The following C3orf70 variants were observed in gnomAD, a reference collection of about 807,000 sequenced individuals.
The protein encoded by C3orf70 is UPF0524 protein C3orf70.
In C3orf70, 15 loss-of-function variants were observed where a neutral mutation model predicts 20.7. That is an observed-to-expected ratio of 0.72 (90% CI 0.48 to 1.11). C3orf70 has a LOEUF of 1.11. Ranked by LOEUF, C3orf70 falls within the 50% of genes most tolerant of loss-of-function variation. The pLI is 0.00. For missense variants in C3orf70, 332 were observed against 317.6 expected (o/e 1.05, Z -0.34); for synonymous variants, 161 against 125.7 (o/e 1.28, Z -1.88).
chr3:185,111,284 T>A (rs900792943), intron 1 of C3orf70, among the ~76,000 whole-genome samples: 3 of 151,898 alleles, frequency 2.0e-5, no homozygotes, highest in African/African-American at 7.3e-5. Context: ...AAAGATACCA[T>A]CAAGAAAGTG....
In C3orf70 at chr3:185,080,771, GGC is replaced by G. The variant is rs1715319418; in HGVS notation, c.*2234_*2235del. 1 of 151,912 alleles carries G rather than the reference GGC, an allele frequency of 6.6e-6. No homozygotes were observed. Among genetic ancestry groups the G allele is most frequent in the Non-Finnish European group, 1.5e-5 (1 of 67,998 alleles). The allele number at this position is 151,912 out of a possible 1,614,324, so 9.4% of individuals were successfully genotyped here. A position where few individuals can be genotyped will look rare whatever the true frequency, so the allele number is the denominator to read the frequency against. ...CCCTGTGCCACCTGAGCCATGCCCT[GGC>G]AGGGGGAAGCTCCTCATGCTCACAC... On this transcript the variant is annotated 3_prime_UTR_variant, in exon 2 of 2. Coordinates refer to ENST00000335012, the MANE Select transcript of C3orf70 (RefSeq NM_001025266.3).
At chr3:185,128,818 T>C (rs951970563) in intron 1 of C3orf70, among the ~76,000 whole-genome samples, 12 of 152,194 alleles carry the variant, frequency 7.9e-5, no homozygotes, top group Non-Finnish European at 1.0e-4. Context: ...TGTCTTCGCA[T>C]AATTTGAAAA....
chr3:185,081,479 C>T lies in C3orf70; in HGVS notation c.*1528G>A, dbSNP rs1317600561. 1 of 152,076 alleles carries T rather than the reference C, an allele frequency of 6.6e-6. No homozygotes were observed. The allele number at this position is 152,076 out of a possible 1,614,324, so 9.4% of individuals were successfully genotyped here. A position where few individuals can be genotyped will look rare whatever the true frequency, so the allele number is the denominator to read the frequency against. On this transcript the variant is annotated 3_prime_UTR_variant, in exon 2 of 2. Coordinates refer to ENST00000335012, the MANE Select transcript of C3orf70 (RefSeq NM_001025266.3). ...ATGGTGCCAGAGCACAAGGGAATCT[C>T]AGAGCACAATGGCCTGAGAGTGCGC... is the stretch of plus-strand genomic sequence containing the variant.
At chr3:185,115,692 A>C (rs183022423) in intron 1 of C3orf70, among the ~76,000 whole-genome samples, 20 of 152,320 alleles carry the variant, frequency 1.3e-4, no homozygotes, top group Admixed American at 1.2e-3. Flanking sequence ...AGGCTGCTAT[A>C]ACAAAGCCCC....
intron 1 of C3orf70, among the ~76,000 whole-genome samples, chr3:185,147,523 C>G (rs966643227): frequency 1.3e-5 from 2 of 152,228 alleles, no homozygotes; most frequent in African/African-American, 4.8e-5. Flanking sequence ...AATTGCTCTA[C>G]AGTGCAATGA....
chr3:185,147,414 CT>C (rs1478784484), intron 1 of C3orf70, among the ~76,000 whole-genome samples: 32 of 152,308 alleles, frequency 2.1e-4, no homozygotes, highest in Admixed American at 1.9e-3. Flanking sequence ...CCGGATTTAA[CT>C]ACTGCAATTG....
intron 1 of C3orf70, among the ~76,000 whole-genome samples, chr3:185,098,318 A>T (rs1715752158): frequency 6.6e-6 from 1 of 152,242 alleles, no homozygotes; most frequent in Non-Finnish European, 1.5e-5. Context: ...ACTAATCCCC[A>T]ATTGGGGAAT....
At chr3:185,138,087 C>A (rs541905545) in intron 1 of C3orf70, among the ~76,000 whole-genome samples, 2 of 152,074 alleles carry the variant, frequency 1.3e-5, no homozygotes, top group East Asian at 3.9e-4. Context: ...ATGGAGACAA[C>A]AAAAGTATAG....
intron 1 of C3orf70, among the ~76,000 whole-genome samples, chr3:185,118,859 A>G (rs1716235237): frequency 6.6e-6 from 1 of 152,220 alleles, no homozygotes; most frequent in African/African-American, 2.4e-5. Context: ...ATATGATCTC[A>G]AGAACCACTC....
intron 1 of C3orf70, among the ~76,000 whole-genome samples, chr3:185,123,635 C>A (rs1716352613): frequency 6.6e-6 from 1 of 151,906 alleles, no homozygotes; most frequent in Non-Finnish European, 1.5e-5. Flanking sequence ...CCATGGTCCC[C>A]ATCTTTATGA....
At chr3:185,126,157 T>C (rs1716406104) in intron 1 of C3orf70, among the ~76,000 whole-genome samples, 1 of 152,218 alleles carries the variant, frequency 6.6e-6, no homozygotes, top group Non-Finnish European at 1.5e-5. Context: ...AACAATTCTA[T>C]AATGTTCAAC....
intron 1 of C3orf70, among the ~76,000 whole-genome samples, chr3:185,148,328 C>T (rs1186712836): frequency 6.6e-6 from 1 of 152,172 alleles, no homozygotes; most frequent in Non-Finnish European, 1.5e-5. Flanking sequence ...GATTCATGAC[C>T]TTCCTCCCAA....
intron 1 of C3orf70, among the ~76,000 whole-genome samples, chr3:185,125,667 A>G (rs1716395841): frequency 6.6e-6 from 1 of 152,234 alleles, no homozygotes; most frequent in African/African-American, 2.4e-5. Flanking sequence ...CTGCAAAAGA[A>G]AAGAATCAAC....
At chr3:185,117,454 A>AAGAGAGAGAGAGAGAG (rs3072374) in intron 1 of C3orf70, among the ~76,000 whole-genome samples, 4 of 142,020 alleles carry the variant, frequency 2.8e-5, no homozygotes, top group African/African-American at 1.1e-4. Context: ...CACACACAGA[A>AAGAGAGAGAGAGAGAG]AGAGAGAGAG....
intron 1 of C3orf70, among the ~76,000 whole-genome samples, chr3:185,149,996 A>G (rs1209698747): frequency 6.6e-6 from 1 of 152,196 alleles, no homozygotes; most frequent in African/African-American, 2.4e-5. Flanking sequence ...GAGTTTTACC[A>G]GATTAACCTA....
intron 1 of C3orf70, among the ~76,000 whole-genome samples, chr3:185,094,074 G>GTTTTTTTTTTTTTTTTTTTTTTTTTTT (rs71162282): frequency 2.5e-5 from 2 of 80,644 alleles, no homozygotes. Context: ...ATACCCTGGG[G>GTTTTTTTTTTTTTTTTTTTTTTTTTTT]TTTTTTTTTT....
chr3:185,078,623 G>A lies in C3orf70; in HGVS notation c.*4384C>T, dbSNP rs1050636071. Reference sequence around the variant, plus strand: ...CTCCTCAGTGGGAGAGGACAAAATCGTACTACTGAAAAGCCTAAAATATAA... The same window carrying A: ...CTCCTCAGTGGGAGAGGACAAAATCATACTACTGAAAAGCCTAAAATATAA... On this transcript the variant is annotated 3_prime_UTR_variant, in exon 2 of 2. Coordinates refer to ENST00000335012, the MANE Select transcript of C3orf70 (RefSeq NM_001025266.3). 1 of 152,258 alleles carries A rather than the reference G, an allele frequency of 6.6e-6. No individual in the cohort carries two copies. The highest frequency in any genetic ancestry group is 2.4e-5 in the African/African-American group (1 of 41,534). The allele number at this position is 152,258 out of a possible 1,614,324, so 9.4% of individuals were successfully genotyped here.
chr3:185,085,052 A>C (rs890152704), intron 1 of C3orf70, among the ~76,000 whole-genome samples: 1 of 152,160 alleles, frequency 6.6e-6, no homozygotes, highest in South Asian at 2.1e-4. Context: ...GCCTCTCCCC[A>C]CTAGATGCCA....
intron 1 of C3orf70, among the ~76,000 whole-genome samples, chr3:185,149,394 C>CAA (rs34153305): frequency 0.011 from 1,124 of 104,214 alleles, 16 homozygotes; most frequent in African/African-American, 0.013. Context: ...CTCTGTCTCC[C>CAA]AAAAAAAAAA....
Sources: allele counts gnomAD v4.1 joint callset (sites outside exome capture counted in the v4.1 genomes callset), GRCh38; gene constraint gnomAD v4.1.1; transcripts MANE v1.5; gene names NCBI Gene and HGNC (gene_info 2026-07-23, HGNC 2026-07-21).